The following FMN2 variants were observed in gnomAD, a reference collection of about 807,000 sequenced individuals.
FMN2 encodes the protein formin 2, also known as formin-2.
A neutral mutation model predicts 142.3 loss-of-function variants in FMN2; 51 were observed. The observed-to-expected ratio is 0.36, with a 90% confidence interval of 0.29 to 0.45. The LOEUF (loss-of-function observed/expected upper bound fraction) is 0.45. Ranked by LOEUF, FMN2 falls within the 20% of genes least tolerant of loss-of-function variation. FMN2 has a pLI of 1.00. For synonymous variants in FMN2, 882 were observed against 869.8 expected, an observed-to-expected ratio of 1.01 and a Z score of -0.25; for missense variants, 1,936 against 2,122.8, an observed-to-expected ratio of 0.91 and a Z score of 1.73.
intron 4 of FMN2, among the ~76,000 whole-genome samples, chr1:240,201,390 T>C (rs1217986779): frequency 1.3e-5 from 2 of 152,234 alleles, no homozygotes; most frequent in African/African-American, 2.4e-5. Flanking sequence ...GGTGGAGAAC[T>C]TGAATTGCAT....
In FMN2 at chr1:240,142,458, G is replaced by A. The variant is rs192510792; in HGVS notation, c.1782+19113G>A. On this transcript the variant is annotated intron_variant, in intron 2 of 17. Coordinates refer to ENST00000319653, the MANE Select transcript of FMN2 (RefSeq NM_020066.5). ...CCATGGTCCCAGGGTCATAGGACAA[G>A]TGGAGAAAACCTTTTCATATTTATT... Among the ~76,000 whole-genome samples the A allele has an allele frequency of 1.3e-4, 11 of 86,884 alleles. No individual in the cohort carries two copies. The East Asian group carries it at 2.6e-3, about 21-fold the overall frequency. The allele number at this position is 86,884 out of a possible 152,430, so 57.0% of individuals were successfully genotyped here.
chr1:240,399,229 T>A (rs1304855622), intron 15 of FMN2, among the ~76,000 whole-genome samples: 1 of 152,218 alleles, frequency 6.6e-6, no homozygotes, highest in Non-Finnish European at 1.5e-5. Context: ...ATGTCGAGTA[T>A]CAACTTCATA....
At chr1:240,179,135 G>A (rs1665047189) in intron 3 of FMN2, among the ~76,000 whole-genome samples, 1 of 152,082 alleles carries the variant, frequency 6.6e-6, no homozygotes, top group Admixed American at 6.6e-5. Flanking sequence ...AGAATTATAG[G>A]CATTTATATG....
rs1661071505 is a variant in FMN2, at chr1:240,093,281, C to T, written c.1172C>T (p.Ala391Val). Residue 391 changes from alanine (A) to valine (V), a missense_variant, in exon 1 of 18, where the codon GCC (alanine) becomes GTC (valine). Ala to Val is a moderately conservative substitution (Grantham distance 64). Coordinates refer to ENST00000319653, the MANE Select transcript of FMN2 (RefSeq NM_020066.5). Reference sequence around the variant, plus strand: ...GAGGAGGAGGCGCAAGGACCTGACGCCCCCGCGGCCGCTTCCCTGCCCGGC... The same window carrying T: ...GAGGAGGAGGCGCAAGGACCTGACGTCCCCGCGGCCGCTTCCCTGCCCGGC... ...EPEEEAQGPD[A>V]PAAASLPGSP... 3 of 1,606,146 alleles carry T rather than the reference C, an allele frequency of 1.9e-6. No homozygotes were observed. Among genetic ancestry groups the T allele is most frequent in the Non-Finnish European group, 2.6e-6 (3 of 1,176,244 alleles).
chr1:240,218,425 G>C (rs1436488574), intron 6 of FMN2, among the ~76,000 whole-genome samples: 1 of 151,886 alleles, frequency 6.6e-6, no homozygotes. Flanking sequence ...GTGCTCTTTG[G>C]AATGCCAGAC....
intron 2 of FMN2, among the ~76,000 whole-genome samples, chr1:240,131,523 A>C (rs1275595813): frequency 6.6e-6 from 1 of 152,122 alleles, no homozygotes; most frequent in South Asian, 2.1e-4. Context: ...AGCCTGACCA[A>C]CATGGTGAAA....
intron 8 of FMN2, among the ~76,000 whole-genome samples, chr1:240,310,239 TA>T (rs1252143729): frequency 2.0e-5 from 3 of 152,220 alleles, no homozygotes; most frequent in Non-Finnish European, 4.4e-5. Context: ...ATCGCTAACC[TA>T]AATCCTTTCC....
intron 15 of FMN2, among the ~76,000 whole-genome samples, chr1:240,395,245 C>T (rs1572263627): frequency 6.6e-6 from 1 of 152,184 alleles, no homozygotes; most frequent in Non-Finnish European, 1.5e-5. Context: ...AAAAGATTGC[C>T]TTCAAAATAT....
At chr1:240,289,833 A>C (rs1205389571) in intron 7 of FMN2, among the ~76,000 whole-genome samples, 1 of 152,228 alleles carries the variant, frequency 6.6e-6, no homozygotes, top group East Asian at 1.9e-4. Context: ...ATTTAAAATA[A>C]GTCCTTTCCC....
At position 240,144,563 on chromosome 1, in the gene FMN2, C is replaced by T. The variant is rs752291504; in HGVS notation, c.1782+21218C>T. ...GTCTTCTACCAGCTCCATGTCATTG[C>T]GCATCAGTGCCAATCTCAGAGCTTT... On this transcript the variant is annotated intron_variant, in intron 2 of 17. Coordinates refer to ENST00000319653, the MANE Select transcript of FMN2 (RefSeq NM_020066.5). 370 of 1,387,986 alleles carry T rather than the reference C, an allele frequency of 2.7e-4. 1 individual carries two copies. The highest frequency in any genetic ancestry group is 1.3e-4 in the Non-Finnish European group (125 of 973,910). The allele number at this position is 1,387,986 out of a possible 1,614,324, so 86.0% of individuals were successfully genotyped here. A position where few individuals can be genotyped will look rare whatever the true frequency, so the allele number is the denominator to read the frequency against.
At chr1:240,411,635 T>A (rs1287117999) in intron 15 of FMN2, among the ~76,000 whole-genome samples, 1 of 151,818 alleles carries the variant, frequency 6.6e-6, no homozygotes, top group Non-Finnish European at 1.5e-5. Context: ...CTGTTGTTTT[T>A]TTTTTTTCTC....
At chr1:240,277,813 G>A (rs981774844) in intron 7 of FMN2, among the ~76,000 whole-genome samples, 2 of 152,028 alleles carry the variant, frequency 1.3e-5, no homozygotes, top group Admixed American at 6.6e-5. Flanking sequence ...AGGATTACAG[G>A]TGTGAGCCAC....
chr1:240,218,185 A>G (rs1488959897), intron 6 of FMN2, among the ~76,000 whole-genome samples: 1 of 145,156 alleles, frequency 6.9e-6, no homozygotes, highest in Non-Finnish European at 1.5e-5. Context: ...CAGGAGGCTG[A>G]TGCAGGAGGA....
intron 13 of FMN2, among the ~76,000 whole-genome samples, chr1:240,336,553 CAAAAAAAAAAAAAAAAA>C (rs552135436): frequency 0.39 from 20,021 of 50,792 alleles, 1,948 homozygotes; most frequent in Non-Finnish European, 0.42. Flanking sequence ...TGGTATTCTC[CAAAAAAAAAAAAAAAAA>C]AAAAAAAAAA....
chr1:240,303,648 G>T (rs1034123413), intron 8 of FMN2, among the ~76,000 whole-genome samples: 1 of 151,960 alleles, frequency 6.6e-6, no homozygotes, highest in African/African-American at 2.4e-5. Flanking sequence ...AGGGCTCTTT[G>T]GATTAACATC....
At chr1:240,149,593 G>T (rs749753294) in intron 2 of FMN2, among the ~76,000 whole-genome samples, 93 of 152,304 alleles carry the variant, frequency 6.1e-4, no homozygotes, top group Middle Eastern at 3.4e-3. Flanking sequence ...CTAAATTTCA[G>T]TCAAAAATAG....
At chr1:240,428,076 T>A (rs1675019345) in intron 15 of FMN2, among the ~76,000 whole-genome samples, 1 of 152,188 alleles carries the variant, frequency 6.6e-6, no homozygotes. Context: ...GTTTACCAAT[T>A]TTCAAAATAA....
intron 16 of FMN2, among the ~76,000 whole-genome samples, chr1:240,463,596 G>C (rs979705033): frequency 6.6e-6 from 1 of 152,176 alleles, no homozygotes; most frequent in Non-Finnish European, 1.5e-5. Context: ...CATGACATTT[G>C]AAAGGAAGCT....
intron 8 of FMN2, among the ~76,000 whole-genome samples, chr1:240,303,590 CTCTT>C (rs1670280409): frequency 6.6e-6 from 1 of 152,154 alleles, no homozygotes; most frequent in Non-Finnish European, 1.5e-5. Flanking sequence ...TTAATATTCT[CTCTT>C]TGACTTTGTC....
Sources: gnomAD v4.1 joint callset for allele counts (sites outside exome capture counted in the v4.1 genomes callset) on GRCh38, gnomAD v4.1.1 for gene constraint, MANE v1.5 for transcripts, NCBI Gene and HGNC (gene_info 2026-07-23, HGNC 2026-07-21) for gene names.